The following CDH12 variants were observed in gnomAD, a reference collection of about 807,000 sequenced individuals.
The protein encoded by CDH12 is cadherin-12.
A neutral mutation model predicts 74.1 loss-of-function variants in CDH12; 41 were observed. The ratio of observed to expected loss-of-function variants is 0.55; its 90% CI spans 0.43 to 0.72. The LOEUF (loss-of-function observed/expected upper bound fraction) is 0.72, where lower values mean the gene tolerates loss of function less well. Among genes scored for constraint, CDH12 ranks in the 30% least tolerant of loss-of-function variants. CDH12 has a pLI of 0.00. For synonymous variants in CDH12, 399 were observed against 355.0 expected (o/e 1.12, Z -1.39); for missense variants, 945 against 977.2 (o/e 0.97, Z 0.44).
intron 3 of CDH12, among the ~76,000 whole-genome samples, chr5:22,337,055 G>C (rs554578348): frequency 6.6e-6 from 1 of 152,326 alleles, no homozygotes; most frequent in South Asian, 2.1e-4. Context: ...GAGACACAGA[G>C]TCAAAGGAGA....
At chr5:22,003,959 T>C (rs1441579367) in intron 5 of CDH12, among the ~76,000 whole-genome samples, 1 of 152,158 alleles carries the variant, frequency 6.6e-6, no homozygotes, top group African/African-American at 2.4e-5. Context: ...TCTTCTTTTT[T>C]TGTCCCATTT....
chr5:22,104,233 A>C (rs930826777), intron 4 of CDH12, among the ~76,000 whole-genome samples: 3 of 152,206 alleles, frequency 2.0e-5, no homozygotes, highest in Non-Finnish European at 4.4e-5. Flanking sequence ...GTATTAGAAA[A>C]TACTAAAAAA....
chr5:22,219,202 G>T (rs1224720437), intron 3 of CDH12, among the ~76,000 whole-genome samples: 1 of 151,664 alleles, frequency 6.6e-6, no homozygotes, highest in Non-Finnish European at 1.5e-5. Flanking sequence ...TAAATTACGA[G>T]AAATTATGGG....
intron 5 of CDH12, among the ~76,000 whole-genome samples, chr5:22,070,728 A>T (rs1482925060): frequency 6.6e-6 from 1 of 152,196 alleles, no homozygotes; most frequent in Non-Finnish European, 1.5e-5. Context: ...ATTTTTTCAC[A>T]TTCTGTGAAG....
At chr5:21,979,771 C>T (rs966971203) in intron 5 of CDH12, among the ~76,000 whole-genome samples, 4 of 151,390 alleles carry the variant, frequency 2.6e-5, no homozygotes, top group Admixed American at 1.3e-4. Flanking sequence ...ACAAATACTA[C>T]TACTAACCCA....
At chr5:22,352,390 CG>C (rs1265500864) in intron 3 of CDH12, among the ~76,000 whole-genome samples, 1 of 151,472 alleles carries the variant, frequency 6.6e-6, no homozygotes, top group Non-Finnish European at 1.5e-5. Context: ...ATAAAAATTG[CG>C]AAATAAATAA....
chr5:22,610,422 T>C (rs910737078), intron 1 of CDH12, among the ~76,000 whole-genome samples: 5 of 152,120 alleles, frequency 3.3e-5, no homozygotes, highest in African/African-American at 1.2e-4. Flanking sequence ...CATGCAAAAA[T>C]AAAACCGATC....
chr5:22,482,316 T>C (rs1746414618), intron 2 of CDH12, among the ~76,000 whole-genome samples: 1 of 152,152 alleles, frequency 6.6e-6, no homozygotes, highest in Admixed American at 6.5e-5. Context: ...ATCAGGTCTA[T>C]AAAGGACCTC....
chr5:21,762,856 TA>T (rs1454822761), intron 12 of CDH12, among the ~76,000 whole-genome samples: 1 of 145,252 alleles, frequency 6.9e-6, no homozygotes, highest in Non-Finnish European at 1.5e-5. Flanking sequence ...CTTAACCACC[TA>T]AAAGCTAAAG....
chr5:22,063,590 T>C (rs1741346293), intron 5 of CDH12, among the ~76,000 whole-genome samples: 1 of 152,256 alleles, frequency 6.6e-6, no homozygotes, highest in Non-Finnish European at 1.5e-5. Context: ...CTGATTACCT[T>C]CTCTTTTACA....
At chr5:22,156,197 C>G (rs552277915) in intron 4 of CDH12, among the ~76,000 whole-genome samples, 49 of 152,232 alleles carry the variant, frequency 3.2e-4, no homozygotes, top group African/African-American at 1.1e-3. Context: ...CATGTCTCAT[C>G]AGAAGTCAGT....
chr5:21,800,913 T>TGTAA (rs1262711414), intron 10 of CDH12, among the ~76,000 whole-genome samples: 1 of 152,180 alleles, frequency 6.6e-6, no homozygotes, highest in Non-Finnish European at 1.5e-5. Context: ...CCGCCATGAT[T>TGTAA]GTAAGTTTCC....
At chr5:21,819,514 A>G (rs895363917) in intron 8 of CDH12, among the ~76,000 whole-genome samples, 1 of 152,060 alleles carries the variant, frequency 6.6e-6, no homozygotes, top group Non-Finnish European at 1.5e-5. Flanking sequence ...TCTGAGGAAC[A>G]TCAAAAGCTT....
At chr5:22,181,586 C>T (rs529853849) in intron 4 of CDH12, among the ~76,000 whole-genome samples, 7 of 151,944 alleles carry the variant, frequency 4.6e-5, no homozygotes, top group South Asian at 4.2e-4. Flanking sequence ...TTTTTTATTT[C>T]GAGATTCTTT....
chr5:22,774,870 C>T (rs537826996), intron 1 of CDH12, among the ~76,000 whole-genome samples: 1 of 152,030 alleles, frequency 6.6e-6, no homozygotes, highest in African/African-American at 2.4e-5. Context: ...TGAACAACTA[C>T]CTATTGAATT....
chr5:22,457,869 C>T (rs1176480359), intron 2 of CDH12, among the ~76,000 whole-genome samples: 1 of 152,054 alleles, frequency 6.6e-6, no homozygotes, highest in African/African-American at 2.4e-5. Context: ...CTCAGTCTCC[C>T]GAGTAGCTGG....
intron 3 of CDH12, among the ~76,000 whole-genome samples, chr5:22,355,823 A>C (rs1000122029): frequency 1.3e-5 from 2 of 152,126 alleles, no homozygotes; most frequent in Non-Finnish European, 2.9e-5. Context: ...ACTGAAACAC[A>C]CACATGCACA....
chr5:22,216,741 A>G (rs1332030738), intron 3 of CDH12, among the ~76,000 whole-genome samples: 3 of 151,950 alleles, frequency 2.0e-5, no homozygotes, highest in Admixed American at 6.6e-5. Flanking sequence ...TTTCACGCAC[A>G]TATACTCATG....
chr5:21,853,586 G>C (rs1177111594), intron 7 of CDH12, among the ~76,000 whole-genome samples: 1 of 151,560 alleles, frequency 6.6e-6, no homozygotes, highest in Non-Finnish European at 1.5e-5. Flanking sequence ...AGAAACATCA[G>C]TAGACCTTAA....
Sources: gnomAD v4.1 joint callset for allele counts (sites outside exome capture counted in the v4.1 genomes callset) on GRCh38, gnomAD v4.1.1 for gene constraint, MANE v1.5 for transcripts, NCBI Gene and HGNC (gene_info 2026-07-23, HGNC 2026-07-21) for gene names.